Variants in PCDH9 observed in about 807,000 individuals in gnomAD.
PCDH9 encodes protocadherin-9.
PCDH9 carries 24 observed loss-of-function variants against 70.6 expected under a neutral mutation model. That is an observed-to-expected ratio of 0.34 (90% CI 0.25 to 0.48). PCDH9 has a LOEUF of 0.48. Ranked by LOEUF, PCDH9 falls within the 20% of genes least tolerant of loss-of-function variation. The pLI, the probability that PCDH9 is intolerant of heterozygous loss-of-function variation, is 0.99. For missense variants in PCDH9, 1,281 were observed against 1,503.6 expected (o/e 0.85, Z 2.45); for synonymous variants, 562 against 558.5 (o/e 1.01, Z -0.09).
At chr13:66,718,138 T>C (rs905027352) in intron 3 of PCDH9, among the ~76,000 whole-genome samples, 7 of 152,190 alleles carry the variant, frequency 4.6e-5, no homozygotes, top group Non-Finnish European at 7.4e-5. Context: ...CAAAACATTC[T>C]GGAAATAAAT....
At chr13:67,006,395 C>T (rs967403394) in intron 2 of PCDH9, among the ~76,000 whole-genome samples, 1 of 152,172 alleles carries the variant, frequency 6.6e-6, no homozygotes, top group Admixed American at 6.5e-5. Flanking sequence ...TAATCTAGGT[C>T]ATTGGTTCTG....
chr13:66,845,389 T>C (rs536859973), intron 3 of PCDH9, among the ~76,000 whole-genome samples: 18 of 152,322 alleles, frequency 1.2e-4, no homozygotes, highest in Non-Finnish European at 2.5e-4. Flanking sequence ...TGGATCAGCC[T>C]CACCTTTGCT....
At chr13:67,061,042 A>T (rs1416388847) in intron 2 of PCDH9, among the ~76,000 whole-genome samples, 75 of 152,132 alleles carry the variant, frequency 4.9e-4, no homozygotes, top group Admixed American at 4.9e-3. Context: ...GACATTTAAA[A>T]TTTTAATTAC....
At chr13:66,708,267 T>C (rs1381134379) in intron 3 of PCDH9, among the ~76,000 whole-genome samples, 3 of 151,852 alleles carry the variant, frequency 2.0e-5, no homozygotes, top group African/African-American at 7.2e-5. Flanking sequence ...GCCGGGATGG[T>C]CTCGATCTCC....
intron 3 of PCDH9, among the ~76,000 whole-genome samples, chr13:66,729,168 G>C (rs978720375): frequency 6.6e-6 from 1 of 151,988 alleles, no homozygotes; most frequent in African/African-American, 2.4e-5. Context: ...CCCCAAATTT[G>C]TTCCTCTTCT....
intron 3 of PCDH9, among the ~76,000 whole-genome samples, chr13:66,860,705 C>T (rs2081468626): frequency 6.6e-6 from 1 of 152,178 alleles, no homozygotes; most frequent in Non-Finnish European, 1.5e-5. Flanking sequence ...CTTAGAGACT[C>T]ATGGCACTGT....
intron 2 of PCDH9, among the ~76,000 whole-genome samples, chr13:66,967,686 A>G (rs1289510813): frequency 2.0e-5 from 3 of 152,064 alleles, no homozygotes; most frequent in Non-Finnish European, 2.9e-5. Flanking sequence ...GCTATGCAAA[A>G]GTCTTTAAAT....
chr13:66,450,581 A>AGTAGT, intron 4 of PCDH9, among the ~76,000 whole-genome samples: 1 of 152,352 alleles, frequency 6.6e-6, no homozygotes, highest in Middle Eastern at 3.4e-3. Context: ...TGAACATACA[A>AGTAGT]GACCATTTGA....
At chr13:67,157,363 T>G (rs963797410) in intron 2 of PCDH9, among the ~76,000 whole-genome samples, 10 of 152,228 alleles carry the variant, frequency 6.6e-5, no homozygotes, top group Non-Finnish European at 1.0e-4. Context: ...TGTTAAAATT[T>G]GCATGCCTTT....
chr13:66,672,870 C>T (rs571900843), intron 3 of PCDH9, among the ~76,000 whole-genome samples: 1 of 152,248 alleles, frequency 6.6e-6, no homozygotes, highest in South Asian at 2.1e-4. Flanking sequence ...GGTGTATTTA[C>T]CCAATGCCTG....
intron 2 of PCDH9, among the ~76,000 whole-genome samples, chr13:67,165,473 A>G (rs2088086351): frequency 6.6e-6 from 1 of 152,136 alleles, no homozygotes; most frequent in Non-Finnish European, 1.5e-5. Context: ...AAATATTCCA[A>G]TACTTACCTC....
chr13:67,027,942 GA>G (rs1287635537), intron 2 of PCDH9, among the ~76,000 whole-genome samples: 1 of 148,846 alleles, frequency 6.7e-6, no homozygotes, highest in Non-Finnish European at 1.5e-5. Context: ...AGGATGTGGA[GA>G]AATAGGAACA....
At chr13:66,581,652 A>G (rs1480125763) in intron 4 of PCDH9, among the ~76,000 whole-genome samples, 5 of 152,186 alleles carry the variant, frequency 3.3e-5, no homozygotes, top group African/African-American at 4.8e-5. Flanking sequence ...TTACTCTAAG[A>G]TTTCCTGAAA....
chr13:66,883,261 T>A (rs1478300342), intron 3 of PCDH9, among the ~76,000 whole-genome samples: 1 of 152,198 alleles, frequency 6.6e-6, no homozygotes, highest in Admixed American at 6.5e-5. Context: ...TTTTAAACCT[T>A]GAACACAGCT....
In PCDH9 at chr13:67,227,957, G is replaced by A; in HGVS notation, c.484C>T (p.Pro162Ser). ...TCAGGATCTGTTGCTGATGGAATTG[G>A]AAAGCGGCTGTTGATCAAAGTGTTT... ...PENTLINSRF[P>S]IPSATDPDTG... The change falls in exon 2 of 5, where the codon CCA (proline) becomes TCA (serine). Residue 162 changes from proline to serine, a missense_variant. Physicochemically the swap from Pro to Ser is moderately conservative, Grantham distance 74. Transcript: ENST00000377865. The surrounding 1 kb of genome is among the most constrained non-coding windows in gnomAD (Gnocchi z 4.6). 1 of 1,614,152 alleles carries A rather than the reference G, an allele frequency of 6.2e-7. No homozygotes were observed. The highest frequency in any genetic ancestry group is 8.5e-7 in the Non-Finnish European group (1 of 1,180,048).
intron 3 of PCDH9, among the ~76,000 whole-genome samples, chr13:66,683,676 G>A (rs192310900): frequency 5.5e-4 from 84 of 152,240 alleles, no homozygotes; most frequent in African/African-American, 2.0e-3. Flanking sequence ...ATAGGGTTTT[G>A]TGTGAGGTTA....
chr13:66,740,826 A>C (rs1460272672), intron 3 of PCDH9, among the ~76,000 whole-genome samples: 3 of 147,026 alleles, frequency 2.0e-5, no homozygotes, highest in African/African-American at 5.0e-5. Flanking sequence ...CAATAACAGG[A>C]TCTGAAATTG....
At chr13:67,160,948 C>A (rs371029833) in intron 2 of PCDH9, among the ~76,000 whole-genome samples, 2 of 152,284 alleles carry the variant, frequency 1.3e-5, no homozygotes, top group East Asian at 3.9e-4. Flanking sequence ...TTCTGAAATG[C>A]AAGTAGCATG....
chr13:67,034,241 C>T (rs888426133), intron 2 of PCDH9, among the ~76,000 whole-genome samples: 2 of 152,078 alleles, frequency 1.3e-5, no homozygotes, highest in Non-Finnish European at 2.9e-5. Flanking sequence ...CCTCAGCCTC[C>T]CAAAGTGCTG....
Sources: allele counts gnomAD v4.1 joint callset (sites outside exome capture counted in the v4.1 genomes callset), GRCh38; gene constraint gnomAD v4.1.1; non-coding constraint Gnocchi (gnomAD v3.1); transcripts MANE v1.5; gene names NCBI Gene and HGNC (gene_info 2026-07-23, HGNC 2026-07-21).